The following FBXO15 variants were observed in gnomAD, a reference collection of about 807,000 sequenced individuals.
FBXO15 encodes the protein F-box only protein 15.
Under a neutral mutation model 49.5 loss-of-function variants are expected in FBXO15, and 30 were observed. That is an observed-to-expected ratio of 0.61 (90% CI 0.45 to 0.82). The LOEUF is 0.82. Among genes scored for constraint, FBXO15 ranks in the 40% least tolerant of loss-of-function variants. The probability of loss-of-function intolerance (pLI) is 0.00; values close to 1 mark genes in which losing one functional copy is unlikely to be tolerated. For missense variants in FBXO15, 591 were observed against 631.5 expected (o/e 0.94, Z 0.69); for synonymous variants, 250 against 232.7 (o/e 1.07, Z -0.68).
intron 9 of FBXO15, among the ~76,000 whole-genome samples, chr18:74,079,474 A>G (rs1187376361): frequency 6.6e-6 from 1 of 152,218 alleles, no homozygotes; most frequent in African/African-American, 2.4e-5. Flanking sequence ...TACAACAATG[A>G]GAAGGTATGT....
In FBXO15 at chr18:74,129,463, C is replaced by A; in HGVS notation, c.727G>T (p.Asp243Tyr). ...WPCLASLSTL[D>Y]LCGMTPVFTD... ...AAAACTGGTGTCATGCCACATAAAT[C>A]TAAGGTTGACAATGATGCTAGGCAT... Residue 243 changes from aspartate to tyrosine, a missense_variant, in exon 5 of 10, where the codon GAT becomes TAT. Transcript: ENST00000419743. 1 of 1,613,922 alleles carries A rather than the reference C, an allele frequency of 6.2e-7. No individual in the cohort carries two copies. Among genetic ancestry groups the A allele is most frequent in the Non-Finnish European group, 8.5e-7 (1 of 1,179,932 alleles).
chr18:74,105,448 GTTTT>G (rs201996238), intron 8 of FBXO15, among the ~76,000 whole-genome samples: 1 of 150,888 alleles, frequency 6.6e-6, no homozygotes, highest in Non-Finnish European at 1.5e-5. Context: ...TTTCCCAAAG[GTTTT>G]TTTTTGAGAT....
At chr18:74,101,991 A>T (rs1189302385) in intron 8 of FBXO15, among the ~76,000 whole-genome samples, 1 of 152,202 alleles carries the variant, frequency 6.6e-6, no homozygotes, top group Non-Finnish European at 1.5e-5. Context: ...CTTAAACCTA[A>T]GGCGTGAAAC....
intron 8 of FBXO15, among the ~76,000 whole-genome samples, chr18:74,083,259 C>G (rs1170811425): frequency 6.6e-6 from 1 of 152,212 alleles, no homozygotes; most frequent in Non-Finnish European, 1.5e-5. Flanking sequence ...TCCACTCTCC[C>G]CAGGCATAGG....
intron 7 of FBXO15, 59 bp from the exon 8 acceptor site, chr18:74,123,569 G>A: frequency 6.5e-7 from 1 of 1,547,528 alleles, no homozygotes; most frequent in Non-Finnish European, 8.7e-7. Context: ...AAAATTCTTG[G>A]TTTGAAAATA....
At chr18:74,101,003 T>C (rs189292100) in intron 8 of FBXO15, among the ~76,000 whole-genome samples, 3 of 152,182 alleles carry the variant, frequency 2.0e-5, no homozygotes, top group Non-Finnish European at 4.4e-5. Context: ...ACCAATCCTA[T>C]TGACACTATT....
chr18:74,107,292 T>G (rs866915532), intron 8 of FBXO15, among the ~76,000 whole-genome samples: 30 of 150,902 alleles, frequency 2.0e-4, no homozygotes, highest in African/African-American at 6.1e-4. Flanking sequence ...GAGAAACAAA[T>G]ACCGCATGAT....
chr18:74,080,758 C>T (rs1912458763), intron 9 of FBXO15, among the ~76,000 whole-genome samples: 1 of 152,182 alleles, frequency 6.6e-6, no homozygotes, highest in Non-Finnish European at 1.5e-5. Context: ...TGGGATAAAG[C>T]TTTCTTTGTA....
intron 5 of FBXO15, among the ~76,000 whole-genome samples, chr18:74,128,918 T>A (rs934880571): frequency 1.3e-5 from 2 of 152,186 alleles, no homozygotes. Context: ...AGTATAACGA[T>A]CATTCCATTT....
chr18:74,136,907 G>A (rs1192676063), intron 2 of FBXO15, among the ~76,000 whole-genome samples: 1 of 152,054 alleles, frequency 6.6e-6, no homozygotes, highest in African/African-American at 2.4e-5. Flanking sequence ...AATTTAAAAG[G>A]GCTTGCCCAT....
intron 3 of FBXO15, among the ~76,000 whole-genome samples, chr18:74,134,969 G>A (rs1978625950): frequency 6.6e-6 from 1 of 152,166 alleles, no homozygotes; most frequent in African/African-American, 2.4e-5. Flanking sequence ...ATGTAGGAAT[G>A]ATGTTTGTCT....
intron 1 of FBXO15, among the ~76,000 whole-genome samples, chr18:74,141,938 G>GA (rs1979102515): frequency 6.6e-6 from 1 of 152,094 alleles, no homozygotes; most frequent in Non-Finnish European, 1.5e-5. Flanking sequence ...TTTCTCTCTA[G>GA]AAAAAAGCAC....
intron 8 of FBXO15, among the ~76,000 whole-genome samples, chr18:74,092,508 GTTTCTTCAAT>G (rs1194156042): frequency 6.6e-6 from 1 of 152,130 alleles, no homozygotes; most frequent in Non-Finnish European, 1.5e-5. Flanking sequence ...GTGGGCTGAT[GTTTCTTCAAT>G]CTTCGAAGTT....
chr18:74,126,931 C>T (rs73476537), intron 5 of FBXO15, among the ~76,000 whole-genome samples: 2,151 of 152,282 alleles, frequency 0.014, 51 homozygotes, highest in African/African-American at 0.049. Flanking sequence ...TAAGGAGAGA[C>T]GGTCGGTGAA....
rs1317059417 is a variant in FBXO15, at chr18:74,081,972, T to A, written c.1218A>T (p.Lys406Asn). The change falls in exon 9 of 10, where the codon AAA becomes AAT. Residue 406 changes from lysine to asparagine, a missense_variant. Transcript: ENST00000419743. ...TATCAGTTTTCCACGAGAGGCCAAC[T>A]TTTCCAATAAGAGGTAGGTGTTCTC... is the stretch of plus-strand genomic sequence containing the variant. ...NNREHLPLIGKVGLSWKTDIF... is the reference protein window; with the variant it reads ...NNREHLPLIGNVGLSWKTDIF... The A allele has an allele frequency of 6.2e-7, 1 of 1,613,368 alleles. No homozygotes were observed. The highest frequency in any genetic ancestry group is 1.1e-5 in the South Asian group (1 of 90,976).
At chr18:74,129,660 A>G in intron 4 of FBXO15, 46 bp from the exon 5 acceptor site, 1 of 1,508,908 alleles carries the variant, frequency 6.6e-7, no homozygotes, top group Non-Finnish European at 9.0e-7. Context: ...CATTGAAAAA[A>G]AAAAAATGCT....
intron 3 of FBXO15, 25 bp downstream of exon 3, chr18:74,135,737 A>C: frequency 6.4e-7 from 1 of 1,557,224 alleles, no homozygotes; most frequent in East Asian, 2.3e-5. Flanking sequence ...ATCAAAACAT[A>C]ACAGAGACTT....
intron 9 of FBXO15, among the ~76,000 whole-genome samples, chr18:74,078,904 C>T (rs1912371770): frequency 6.6e-6 from 1 of 152,196 alleles, no homozygotes; most frequent in African/African-American, 2.4e-5. Flanking sequence ...GTATCAGCAC[C>T]AGCAGCCTTA....
At chr18:74,081,783 CA>C in intron 9 of FBXO15, 143 bp downstream of exon 9, 1 of 615,342 alleles carries the variant, frequency 1.6e-6, no homozygotes, top group Non-Finnish European at 2.5e-6. Flanking sequence ...GAATGTGCAC[CA>C]ACCTTCAGAA....
Sources: allele counts gnomAD v4.1 joint callset (sites outside exome capture counted in the v4.1 genomes callset), GRCh38; gene constraint gnomAD v4.1.1; transcripts MANE v1.5; gene names NCBI Gene and HGNC (gene_info 2026-07-23, HGNC 2026-07-21).